Variants in NRG1 observed in about 807,000 individuals in gnomAD.
NRG1 encodes the protein neuregulin 1, also known as pro-neuregulin-1, membrane-bound isoform.
A neutral mutation model predicts 63.8 loss-of-function variants in NRG1; 18 were observed. That is an observed-to-expected ratio of 0.28 (90% CI 0.19 to 0.42). The LOEUF is 0.42. Among genes scored for constraint, NRG1 ranks in the 10% least tolerant of loss-of-function variants. The pLI, the probability that NRG1 is intolerant of heterozygous loss-of-function variation, is 1.00. For missense variants in NRG1, 762 were observed against 814.7 expected, an observed-to-expected ratio of 0.94 and a Z score of 0.79; for synonymous variants, 302 against 301.3, an observed-to-expected ratio of 1.00 and a Z score of -0.02.
At chr8:31,893,608 A>T (rs776370) in intron 1 of NRG1, among the ~76,000 whole-genome samples, 11 of 151,266 alleles carry the variant, frequency 7.3e-5, no homozygotes, top group Non-Finnish European at 7.4e-5. Flanking sequence ...GACAAAAGCC[A>T]TATATGTAGA....
chr8:32,147,083 T>C (rs922590523), intron 1 of NRG1, among the ~76,000 whole-genome samples: 1 of 152,210 alleles, frequency 6.6e-6, no homozygotes, highest in African/African-American at 2.4e-5. Context: ...TTTCTTTCTT[T>C]AGATCATCAG....
chr8:32,233,563 A>ATATATATATATATATTT (rs34593729), intron 1 of NRG1, among the ~76,000 whole-genome samples: 5 of 67,252 alleles, frequency 7.4e-5, no homozygotes, highest in Non-Finnish European at 1.0e-4. Context: ...ATATATATAT[A>ATATATATATATATATTT]TTTTTTTTTT....
At chr8:31,970,739 GTTTACATGTCCTTACCCTCCATGTA>G (rs1807141572) in intron 1 of NRG1, among the ~76,000 whole-genome samples, 1 of 152,040 alleles carries the variant, frequency 6.6e-6, no homozygotes, top group African/African-American at 2.4e-5. Context: ...TGTACCCACA[GTTTACATGTCCTTACCCTCCATGTA>G]AACTGTGGGT....
chr8:32,448,326 C>A (rs1820526054), intron 1 of NRG1, among the ~76,000 whole-genome samples: 1 of 152,252 alleles, frequency 6.6e-6, no homozygotes, highest in Admixed American at 6.5e-5. Flanking sequence ...ATGTTTAATG[C>A]TATTTGCTAG....
intron 1 of NRG1, among the ~76,000 whole-genome samples, chr8:32,138,551 G>A (rs1407675941): frequency 6.6e-6 from 1 of 151,838 alleles, no homozygotes; most frequent in Admixed American, 6.6e-5. Flanking sequence ...GTGACTGGCA[G>A]GAGGCTCACA....
chr8:32,291,305 C>T (rs903483200), intron 1 of NRG1, among the ~76,000 whole-genome samples: 3 of 152,140 alleles, frequency 2.0e-5, no homozygotes, highest in African/African-American at 7.2e-5. Context: ...CTCCTCATAA[C>T]ATACAAAGTT....
intron 1 of NRG1, among the ~76,000 whole-genome samples, chr8:31,672,786 G>A (rs911367338): frequency 2.0e-5 from 3 of 152,042 alleles, no homozygotes; most frequent in Admixed American, 6.6e-5. Context: ...TGGCATCCTC[G>A]AGTAATGAGG....
intron 5 of NRG1, among the ~76,000 whole-genome samples, chr8:32,691,318 A>G (rs1204712112): frequency 1.3e-5 from 2 of 152,092 alleles, no homozygotes; most frequent in Non-Finnish European, 2.9e-5. Context: ...CTGCCACTGC[A>G]CTCCAGCCTG....
chr8:32,139,978 A>G (rs1836030906), intron 1 of NRG1, among the ~76,000 whole-genome samples: 2 of 152,140 alleles, frequency 1.3e-5, no homozygotes, highest in Admixed American at 1.3e-4. Context: ...TTGAGGATTC[A>G]GGAGCTATGA....
chr8:32,690,296 C>A (rs1227951835), intron 5 of NRG1, among the ~76,000 whole-genome samples: 1 of 152,088 alleles, frequency 6.6e-6, no homozygotes, highest in Non-Finnish European at 1.5e-5. Flanking sequence ...CCACTGGTCC[C>A]ATGGTCTACT....
chr8:31,970,509 T>C (rs1195556824), intron 1 of NRG1, among the ~76,000 whole-genome samples: 1 of 152,160 alleles, frequency 6.6e-6, no homozygotes, highest in Non-Finnish European at 1.5e-5. Context: ...TTTCAGGAAG[T>C]TCTCAGGTGT....
intron 1 of NRG1, among the ~76,000 whole-genome samples, chr8:32,588,214 C>T (rs968627847): frequency 3.9e-5 from 6 of 152,064 alleles, no homozygotes; most frequent in East Asian, 1.9e-4. Context: ...GAGCCACCAG[C>T]GCCCAGCCCT....
chr8:31,725,287 G>C (rs186107626), intron 1 of NRG1, among the ~76,000 whole-genome samples: 1 of 152,066 alleles, frequency 6.6e-6, no homozygotes, highest in Non-Finnish European at 1.5e-5. Context: ...TTGACTCCAG[G>C]CTCTCTCTCT....
intron 1 of NRG1, among the ~76,000 whole-genome samples, chr8:32,389,952 G>A (rs1227504528): frequency 1.3e-4 from 20 of 151,954 alleles, no homozygotes; most frequent in Admixed American, 1.3e-3. Flanking sequence ...TAGAAAGAGG[G>A]TTTCACCATG....
intron 1 of NRG1, among the ~76,000 whole-genome samples, chr8:31,775,731 A>C (rs1455555077): frequency 6.6e-6 from 1 of 151,816 alleles, no homozygotes; most frequent in African/African-American, 2.4e-5. Context: ...AAAATACAAA[A>C]AATTAGCTGG....
Position 32,255,162 on chromosome 8 carries a change from T to C in NRG1, c.38-340666T>C, listed in dbSNP as rs140749022. ...TCTTTCTCCAATCTGCCAGTCTGTG[T>C]CTTTAATTGGGGCATTTAGCCCATT... On this transcript the variant is annotated intron_variant, in intron 1 of 10. Transcript: ENST00000519301. Among the ~76,000 whole-genome samples, 135 of 152,346 alleles carry C rather than the reference T, an allele frequency of 8.9e-4. 5 individuals carry two copies. The East Asian group carries it at 0.025, about 28-fold the overall frequency.
Position 31,754,131 on chromosome 8 carries a change from A to G in NRG1, c.37+114700A>G, listed in dbSNP as rs1816741936. 3.9e-5 allele frequency among the ~76,000 whole-genome samples: 6 copies of G among 152,238 alleles called. 1 individual carries two copies. In the South Asian group the frequency reaches 1.2e-3, roughly 32 times the overall value. The stretch of plus-strand genomic sequence containing the variant: ...TTAACCTGCTGTTGCAGCCAATGAC[A>G]TATCTTTTACCTAGAGCTAGAAGGT... On this transcript the variant is annotated intron_variant, in intron 1 of 10. Transcript: ENST00000519301.
chr8:31,809,404 G>GTT (rs1554539475), intron 1 of NRG1, among the ~76,000 whole-genome samples: 2 of 140,154 alleles, frequency 1.4e-5, no homozygotes, highest in Middle Eastern at 3.9e-3. Context: ...GTGTGTGTGT[G>GTT]TATATATATA....
At chr8:32,469,073 C>A (rs997199406) in intron 1 of NRG1, among the ~76,000 whole-genome samples, 1 of 152,082 alleles carries the variant, frequency 6.6e-6, no homozygotes, top group Non-Finnish European at 1.5e-5. Flanking sequence ...ACATAACTAA[C>A]AAGGGAAACG....
Sources: gnomAD v4.1 joint callset for allele counts (sites outside exome capture counted in the v4.1 genomes callset) on GRCh38, gnomAD v4.1.1 for gene constraint, MANE v1.5 for transcripts, NCBI Gene and HGNC (gene_info 2026-07-23, HGNC 2026-07-21) for gene names.